The following PRKAR1B variants were observed in gnomAD, a reference collection of about 807,000 sequenced individuals.
PRKAR1B encodes protein kinase cAMP-dependent type I regulatory subunit beta.
In PRKAR1B, 22 loss-of-function variants were observed where a neutral mutation model predicts 46.5. The observed-to-expected ratio is 0.47, with a 90% CI of 0.34 to 0.68. PRKAR1B has a LOEUF of 0.68. Among genes scored for constraint, PRKAR1B ranks in the 30% least tolerant of loss-of-function variants. PRKAR1B has a pLI of 0.01. For synonymous variants in PRKAR1B, 259 were observed against 217.7 expected (o/e 1.19, Z -1.67); for missense variants, 445 against 535.6 (o/e 0.83, Z 1.67).
intron 4 of PRKAR1B, among the ~76,000 whole-genome samples, chr7:631,834 G>A (rs770161972): frequency 6.6e-6 from 1 of 152,054 alleles, no homozygotes; most frequent in Non-Finnish European, 1.5e-5. Flanking sequence ...CCATGCACCT[G>A]TAGTCCCAGC....
chr7:579,497 C>T (rs1780060120), intron 8 of PRKAR1B, 120 bp from the exon 9 acceptor site: 18 of 1,276,870 alleles, frequency 1.4e-5, no homozygotes, highest in South Asian at 2.8e-5. Context: ...ACACCAGCTC[C>T]GTGACCAGTA....
rs1370483594 is a variant in PRKAR1B, at chr7:656,325, A to C, written c.440+20904T>G. On this transcript the variant is annotated intron_variant, in intron 4 of 10. Coordinates refer to ENST00000537384, the MANE Select transcript of PRKAR1B (RefSeq NM_001164760.2). ...GAGCTAATGAATGAATGAATGGGTG[A>C]ATGAATGGATGATGCATGGGTGAAT... Among the ~76,000 whole-genome samples, 12 of 152,152 alleles carry C rather than the reference A, an allele frequency of 7.9e-5. 1 individual carries two copies.
At chr7:719,696 C>T (rs1368530694) in intron 1 of PRKAR1B, among the ~76,000 whole-genome samples, 1 of 152,136 alleles carries the variant, frequency 6.6e-6, no homozygotes, top group African/African-American at 2.4e-5. Context: ...GTCATGACCC[C>T]TCTGGGTATT....
At chr7:683,918 C>G (rs1452273068) in intron 2 of PRKAR1B, among the ~76,000 whole-genome samples, 2 of 152,256 alleles carry the variant, frequency 1.3e-5, no homozygotes, top group Non-Finnish European at 2.9e-5. Context: ...GCAGCTGATG[C>G]CCACCTCCAT....
chr7:615,458 AAGAC>A (rs780517336), intron 4 of PRKAR1B, among the ~76,000 whole-genome samples: 3 of 151,424 alleles, frequency 2.0e-5, no homozygotes, highest in Admixed American at 6.6e-5. Context: ...AAAAATAAAA[AAGAC>A]AGAAAGAAGG....
chr7:622,227 C>T (rs1325195607), intron 4 of PRKAR1B, among the ~76,000 whole-genome samples: 1 of 152,192 alleles, frequency 6.6e-6, no homozygotes, highest in Non-Finnish European at 1.5e-5. Context: ...CACCCACAGC[C>T]CCTCAAAGCT....
intron 3 of PRKAR1B, 25 bp downstream of exon 3, chr7:680,531 G>C (rs755968026): frequency 6.3e-7 from 1 of 1,590,282 alleles, no homozygotes; most frequent in Non-Finnish European, 8.5e-7. Context: ...CTGGGGACAG[G>C]AACCCCGTGA....
intron 2 of PRKAR1B, among the ~76,000 whole-genome samples, chr7:687,078 C>G (rs1454063685): frequency 6.6e-6 from 1 of 152,198 alleles, no homozygotes; most frequent in Non-Finnish European, 1.5e-5. Flanking sequence ...TACTAGCACC[C>G]CTAGGCTAGC....
At chr7:654,632 AT>A (rs1785095604) in intron 4 of PRKAR1B, among the ~76,000 whole-genome samples, 1 of 151,514 alleles carries the variant, frequency 6.6e-6, no homozygotes, top group Non-Finnish European at 1.5e-5. Context: ...CATCACCTTC[AT>A]CATCACCATC....
Position 596,143 on chromosome 7 carries a change from C to T in PRKAR1B, c.708+3G>A. 6.2e-7 allele frequency: 1 copy of T among 1,611,816 alleles called. No homozygotes were observed. The highest frequency in any genetic ancestry group is 8.5e-7 in the Non-Finnish European group (1 of 1,178,512). ...CCTTCTCTGTGCTTGGGCACCAACT[C>T]ACCATAAGGATGCGCCGGTAGCTGT... On this transcript the variant is annotated splice_donor_region_variant and intron_variant, in intron 7 of 10. Coordinates refer to ENST00000537384, the MANE Select transcript of PRKAR1B (RefSeq NM_001164760.2).
At chr7:678,514 C>G (rs1419680385) in intron 3 of PRKAR1B, among the ~76,000 whole-genome samples, 1 of 152,182 alleles carries the variant, frequency 6.6e-6, no homozygotes, top group South Asian at 2.1e-4. Flanking sequence ...CAACAATTCC[C>G]CACTCCCTCT....
At chr7:706,422 A>ATT (rs33963335) in intron 2 of PRKAR1B, among the ~76,000 whole-genome samples, 5,539 of 102,236 alleles carry the variant, frequency 0.054, 609 homozygotes, top group African/African-American at 0.13. Flanking sequence ...CAAATAAGGA[A>ATT]TTTTTTTTTT....
intron 1 of PRKAR1B, among the ~76,000 whole-genome samples, chr7:715,222 C>T (rs1780831296): frequency 6.6e-6 from 1 of 152,102 alleles, no homozygotes; most frequent in Admixed American, 6.6e-5. Context: ...ACTGCCTGAG[C>T]CCGTTGGCTT....
chr7:669,440 A>T, intron 4 of PRKAR1B, among the ~76,000 whole-genome samples: 1 of 152,160 alleles, frequency 6.6e-6, no homozygotes, highest in East Asian at 1.9e-4. Context: ...TTGTGAATGT[A>T]ACTAATGCCA....
chr7:691,881 T>G lies in PRKAR1B; in HGVS notation c.178-11155A>C, dbSNP rs932774283. The G allele has an allele frequency of 7.0e-6, 8 of 1,147,166 alleles. No individual in the cohort carries two copies. The East Asian group carries it at 3.2e-4, about 46-fold the overall frequency. The allele number at this position is 1,147,166 out of a possible 1,614,324, so 71.1% of individuals were successfully genotyped here. A position where few individuals can be genotyped will look rare whatever the true frequency, so the allele number is the denominator to read the frequency against. ...TGACAACGGGCCATCTCACAATCTC[T>G]CAGAATGGCACAGACGCCTCCCTGG... On this transcript the variant is annotated intron_variant, in intron 2 of 10. Transcript: ENST00000537384.
Position 675,738 on chromosome 7 carries a change from G to A in PRKAR1B, c.440+1491C>T, listed in dbSNP as rs576210577. ...CGAGGCAGGTGGATCATGAGGTCAG[G>A]AGTTCGAGACCAGCCTGGCCAACAT... On this transcript the variant is annotated intron_variant, in intron 4 of 10. Coordinates refer to ENST00000537384, the MANE Select transcript of PRKAR1B (RefSeq NM_001164760.2). Among the ~76,000 whole-genome samples the A allele has an allele frequency of 1.3e-4, 20 of 152,222 alleles. No homozygotes were observed. The South Asian group carries it at 4.1e-3, about 32-fold the overall frequency.
intron 6 of PRKAR1B, among the ~76,000 whole-genome samples, chr7:600,637 C>T (rs1356454694): frequency 6.6e-6 from 1 of 152,244 alleles, no homozygotes; most frequent in Non-Finnish European, 1.5e-5. Flanking sequence ...AGAAAGAGCT[C>T]TTCCCCCAGA....
chr7:564,472 C>T (rs1006717020), intron 9 of PRKAR1B, among the ~76,000 whole-genome samples: 2 of 152,308 alleles, frequency 1.3e-5, no homozygotes, highest in Admixed American at 6.5e-5. Context: ...GCCTGTGGCT[C>T]GGAGCTTTGC....
At chr7:691,178 C>A (rs974072047) in intron 2 of PRKAR1B, among the ~76,000 whole-genome samples, 1 of 150,404 alleles carries the variant, frequency 6.6e-6, no homozygotes, top group Non-Finnish European at 1.5e-5. Flanking sequence ...CTGTCCACTG[C>A]GCTGCAAATC....
Sources: allele counts gnomAD v4.1 joint callset (sites outside exome capture counted in the v4.1 genomes callset), GRCh38; gene constraint gnomAD v4.1.1; transcripts MANE v1.5; gene names NCBI Gene and HGNC (gene_info 2026-07-23, HGNC 2026-07-21).